The following GRID1 variants were observed in gnomAD, a reference collection of about 807,000 sequenced individuals.
GRID1 encodes the protein glutamate receptor ionotropic, delta-1.
GRID1 carries 28 observed loss-of-function variants against 98.0 expected under a neutral mutation model. The ratio of observed to expected loss-of-function variants is 0.29; its 90% confidence interval spans 0.21 to 0.39. The LOEUF is 0.39. GRID1 is among the 10% of genes least tolerant of loss of function. The pLI, the probability that GRID1 is intolerant of heterozygous loss-of-function variation, is 1.00. For synonymous variants in GRID1, 553 were observed against 538.5 expected (o/e 1.03, Z -0.37); for missense variants, 1,111 against 1,340.5 (o/e 0.83, Z 2.67).
intron 3 of GRID1, among the ~76,000 whole-genome samples, chr10:86,183,223 T>G (rs1845681728): frequency 6.6e-6 from 1 of 152,202 alleles, no homozygotes; most frequent in South Asian, 2.1e-4. Flanking sequence ...GTATATACTC[T>G]TTTTGTCTTT....
intron 4 of GRID1, among the ~76,000 whole-genome samples, chr10:85,970,477 AG>A (rs1219690671): frequency 6.6e-6 from 1 of 152,132 alleles, no homozygotes; most frequent in Admixed American, 6.5e-5. Context: ...ATGACCGTCA[AG>A]TGAGATTTAT....
intron 12 of GRID1, among the ~76,000 whole-genome samples, chr10:85,655,898 G>A (rs1210163710): frequency 6.6e-6 from 1 of 151,606 alleles, no homozygotes; most frequent in East Asian, 1.9e-4. Context: ...TCTTCCAGTT[G>A]TCACCTCTAC....
At position 85,647,238 on chromosome 10, in the gene GRID1, G is replaced by A. The variant is rs886675985; in HGVS notation, c.2157C>T (p.Asp719=). The A allele has an allele frequency of 6.2e-7, 1 of 1,614,236 alleles. No individual in the cohort carries two copies. Among genetic ancestry groups the A allele is most frequent in the South Asian group, 1.1e-5 (1 of 91,088 alleles). ...CTTCTGAAGGACTGGACACGCAGTT[G>A]TCAGCCCCTCCGTTCTTGCTGATGG... is the stretch of plus-strand genomic sequence containing the variant. The part of the protein sequence containing the change: ...WRTISKNGGA[D]NCVSSPSEGI... Residue 719 remains aspartate (D), a synonymous_variant, in exon 13 of 16, where the codon GAC becomes GAT. Coordinates refer to ENST00000327946, the MANE Select transcript of GRID1 (RefSeq NM_017551.3).
Position 85,834,943 on chromosome 10 carries a change from C to CA in GRID1, c.1233+19552dup, listed in dbSNP as rs200665644. On this transcript the variant is annotated intron_variant, in intron 8 of 15. Transcript: ENST00000327946. ...TAAAAATCCAACTAAATGCTGTTTG[C>CA]AAAAAAAAAGTTACTTCAAAGGCAA... 5.2e-3 allele frequency among the ~76,000 whole-genome samples: 775 copies of CA among 149,722 alleles called. 4 individuals carry two copies. The highest frequency in any genetic ancestry group is 0.018 in the African/African-American group (733 of 40,794).
At chr10:86,019,362 C>T (rs1564651518) in intron 4 of GRID1, among the ~76,000 whole-genome samples, 1 of 152,238 alleles carries the variant, frequency 6.6e-6, no homozygotes, top group Non-Finnish European at 1.5e-5. Context: ...CTCTACAAAC[C>T]GCATAATGCC....
chr10:86,349,211 G>T (rs1411455429), intron 2 of GRID1, among the ~76,000 whole-genome samples: 1 of 152,224 alleles, frequency 6.6e-6, no homozygotes, highest in Admixed American at 6.5e-5. Flanking sequence ...AGAGGCAGTG[G>T]CCAGGACCAT....
intron 13 of GRID1, among the ~76,000 whole-genome samples, chr10:85,623,638 T>C (rs1290096344): frequency 6.6e-6 from 1 of 152,158 alleles, no homozygotes; most frequent in Non-Finnish European, 1.5e-5. Context: ...ACCCTCCTCC[T>C]TCCTTGAGTC....
chr10:85,943,398 G>GA (rs1261219178), intron 4 of GRID1, among the ~76,000 whole-genome samples: 1 of 151,890 alleles, frequency 6.6e-6, no homozygotes, highest in African/African-American at 2.4e-5. Flanking sequence ...TACTGGGAGG[G>GA]AAAAAAATAC....
chr10:85,840,426 C>A (rs1842951480), intron 8 of GRID1, among the ~76,000 whole-genome samples: 1 of 152,088 alleles, frequency 6.6e-6, no homozygotes, highest in South Asian at 2.1e-4. Context: ...AAAACTGGCA[C>A]AAGACAAGGA....
intron 4 of GRID1, among the ~76,000 whole-genome samples, chr10:85,932,805 A>G (rs1841872857): frequency 6.6e-6 from 1 of 152,202 alleles, no homozygotes; most frequent in South Asian, 2.1e-4. Context: ...TGGCTGGACC[A>G]GGGCACAGCA....
chr10:86,150,758 G>T (rs1399157807), intron 3 of GRID1, among the ~76,000 whole-genome samples: 1 of 152,166 alleles, frequency 6.6e-6, no homozygotes, highest in Non-Finnish European at 1.5e-5. Context: ...AGACCTCCTG[G>T]TTGGAATTAG....
intron 4 of GRID1, among the ~76,000 whole-genome samples, chr10:85,997,233 C>G (rs1210955152): frequency 6.6e-6 from 1 of 152,060 alleles, no homozygotes; most frequent in Non-Finnish European, 1.5e-5. Flanking sequence ...AACCCCATCT[C>G]TACTAAAAAT....
chr10:85,914,513 C>T (rs1181151613), intron 5 of GRID1, among the ~76,000 whole-genome samples: 3 of 152,130 alleles, frequency 2.0e-5, no homozygotes, highest in Admixed American at 2.0e-4. Flanking sequence ...AGTCATGTCC[C>T]TTCTAATTAC....
At chr10:85,653,401 A>G (rs1274756369) in intron 12 of GRID1, among the ~76,000 whole-genome samples, 1 of 152,204 alleles carries the variant, frequency 6.6e-6, no homozygotes, top group African/African-American at 2.4e-5. Context: ...AGAGGAGCAG[A>G]GAGGAATGAA....
chr10:85,973,996 C>A (rs1310233519), intron 4 of GRID1, among the ~76,000 whole-genome samples: 1 of 152,184 alleles, frequency 6.6e-6, no homozygotes, highest in African/African-American at 2.4e-5. Flanking sequence ...ACTGGGGAGT[C>A]ACCTGGATGG....
At position 85,920,719 on chromosome 10, in the gene GRID1, C is replaced by T. The variant is rs1347252236; in HGVS notation, c.727-4480G>A. ...GTGGGCATCAGCACAGAAGTGATGA[C>T]CCGGTCAGACAAGCAAAGGGCAGCC... On this transcript the variant is annotated intron_variant, in intron 4 of 15. Coordinates refer to ENST00000327946, the MANE Select transcript of GRID1 (RefSeq NM_017551.3). Among the ~76,000 whole-genome samples the T allele has an allele frequency of 3.9e-5, 6 of 152,190 alleles. 1 individual carries two copies. Among genetic ancestry groups the T allele is most frequent in the Admixed American group, 3.9e-4 (6 of 15,288 alleles).
chr10:86,345,776 T>C (rs1338750330), intron 2 of GRID1, among the ~76,000 whole-genome samples: 1 of 151,992 alleles, frequency 6.6e-6, no homozygotes, highest in African/African-American at 2.4e-5. Context: ...GGTTCAGTCC[T>C]GAGCCACTTC....
chr10:86,326,309 T>C (rs1408323627), intron 2 of GRID1, among the ~76,000 whole-genome samples: 2 of 152,220 alleles, frequency 1.3e-5, no homozygotes, highest in African/African-American at 4.8e-5. Flanking sequence ...GCTCCTGCCT[T>C]ATCTATGTAT....
chr10:85,620,157 C>T (rs1842843072), intron 13 of GRID1, 124 bp from the exon 14 acceptor site: 1 of 722,392 alleles, frequency 1.4e-6, no homozygotes, highest in Admixed American at 2.4e-5. Flanking sequence ...ACCCACCAGA[C>T]AGCACAGCAA....
Sources: allele counts gnomAD v4.1 joint callset (sites outside exome capture counted in the v4.1 genomes callset), GRCh38; gene constraint gnomAD v4.1.1; transcripts MANE v1.5; gene names NCBI Gene and HGNC (gene_info 2026-07-23, HGNC 2026-07-21).